DGKH: variants seen among roughly 807,000 people sequenced by gnomAD.
DGKH encodes diacylglycerol kinase eta, also known as DAG kinase eta.
A neutral mutation model predicts 159.3 loss-of-function variants in DGKH; 90 were observed. The observed-to-expected ratio is 0.57, with a 90% CI of 0.48 to 0.67. The LOEUF is 0.67. DGKH is among the 30% of genes least tolerant of loss of function. The pLI, the probability that DGKH is intolerant of heterozygous loss-of-function variation, is 0.00. For synonymous variants in DGKH, 536 were observed against 553.8 expected (o/e 0.97, Z 0.45); for missense variants, 1,181 against 1,506.1 (o/e 0.78, Z 3.57).
chr13:42,219,856 A>C, intron 28 of DGKH, 62 bp downstream of exon 28: 1 of 1,452,330 alleles, frequency 6.9e-7, no homozygotes, highest in Non-Finnish European at 9.6e-7. Flanking sequence ...TTAAAGTGAC[A>C]TCATGGAGGT....
chr13:42,188,550 C>A (rs1956982694), intron 14 of DGKH, among the ~76,000 whole-genome samples: 1 of 152,080 alleles, frequency 6.6e-6, no homozygotes, highest in Admixed American at 6.6e-5. Flanking sequence ...TGCATTAAGT[C>A]AATTACTTTT....
intron 1 of DGKH, among the ~76,000 whole-genome samples, chr13:42,099,791 G>C (rs1402313628): frequency 1.3e-5 from 2 of 152,186 alleles, no homozygotes; most frequent in African/African-American, 4.8e-5. Flanking sequence ...GATAAAGCAA[G>C]ATGATGGAGT....
At chr13:42,210,827 T>G (rs1957638901) in intron 24 of DGKH, 62 bp downstream of exon 24, 1 of 1,513,784 alleles carries the variant, frequency 6.6e-7, no homozygotes, top group East Asian at 2.3e-5. Flanking sequence ...TTTTTGTTTT[T>G]TTAATCTTAA....
At chr13:42,162,761 G>A (rs555647981) in intron 7 of DGKH, among the ~76,000 whole-genome samples, 10 of 151,730 alleles carry the variant, frequency 6.6e-5, no homozygotes, top group South Asian at 2.1e-4. Flanking sequence ...CTGAGATTGC[G>A]CCATTGCACT....
chr13:42,237,984 A>C lies in DGKH; in HGVS notation c.*8796A>C, dbSNP rs1009070684. 2.0e-5 allele frequency: 3 copies of C among 152,216 alleles called. No homozygotes were observed. The highest frequency in any genetic ancestry group is 4.4e-5 in the Non-Finnish European group (3 of 68,038). 9.4% of individuals were successfully genotyped at this position (152,216 alleles called of 1,614,324 possible). A position where few individuals can be genotyped will look rare whatever the true frequency, so the allele number is the denominator to read the frequency against. ...CAACAAAACAATTATTGAAATTCACAATACCTAGAGATGGGAACATGGTTT... is the reference window on the plus strand; with the variant it reads ...CAACAAAACAATTATTGAAATTCACCATACCTAGAGATGGGAACATGGTTT... On this transcript the variant is annotated 3_prime_UTR_variant, in exon 30 of 30. Coordinates refer to ENST00000337343, the MANE Select transcript of DGKH (RefSeq NM_178009.5).
intron 1 of DGKH, among the ~76,000 whole-genome samples, chr13:42,043,139 C>A (rs1422029663): frequency 6.6e-6 from 1 of 152,020 alleles, no homozygotes; most frequent in East Asian, 1.9e-4. Flanking sequence ...CTTTTTCCCT[C>A]AAACATGCAC....
At chr13:42,105,290 A>G (rs1027160322) in intron 1 of DGKH, among the ~76,000 whole-genome samples, 1 of 152,068 alleles carries the variant, frequency 6.6e-6, no homozygotes, top group African/African-American at 2.4e-5. Flanking sequence ...CAAGTGCACG[A>G]GGGGGTTAAA....
chr13:42,173,266 T>C (rs547646443), intron 11 of DGKH, among the ~76,000 whole-genome samples: 1 of 152,366 alleles, frequency 6.6e-6, no homozygotes, highest in African/African-American at 2.4e-5. Flanking sequence ...GCACCACACC[T>C]GGCCTTTATT....
chr13:42,095,156 CTTTTTTTTTTT>C (rs776422302), intron 1 of DGKH, among the ~76,000 whole-genome samples: 2 of 76,814 alleles, frequency 2.6e-5, no homozygotes, highest in South Asian at 5.6e-4. Context: ...ATGTTGACTC[CTTTTTTTTTTT>C]TTTTTTTTTT....
intron 4 of DGKH, 44 bp from the exon 5 acceptor site, chr13:42,155,623 T>C: frequency 6.2e-7 from 1 of 1,613,764 alleles, no homozygotes; most frequent in South Asian, 1.1e-5. Context: ...ATCTGTAGCC[T>C]TGTTCACTGG....
chr13:42,224,894 GAA>G (rs71700896), intron 29 of DGKH, among the ~76,000 whole-genome samples: 18,987 of 142,900 alleles, frequency 0.13, 1,504 homozygotes, highest in Admixed American at 0.22. Flanking sequence ...TTGGGAAAAG[GAA>G]AAAAAAAATA....
downstream of DGKH, among the ~76,000 whole-genome samples, chr13:42,244,025 T>C (rs559925186): frequency 1.3e-5 from 2 of 150,930 alleles, no homozygotes; most frequent in Admixed American, 1.3e-4. Context: ...GTAAATGGAC[T>C]GTACTTGAGA....
intron 1 of DGKH, among the ~76,000 whole-genome samples, chr13:42,091,204 C>T (rs1410955024): frequency 1.3e-5 from 2 of 151,808 alleles, no homozygotes; most frequent in East Asian, 1.9e-4. Context: ...TAGATATGCT[C>T]GTAGAAGAAA....
rs201430676 is a variant in DGKH at position 42,123,012 on chromosome 13, A to C, written c.193-4451A>C. Among the ~76,000 whole-genome samples the C allele has an allele frequency of 3.3e-5, 5 of 152,232 alleles. No individual in the cohort carries two copies. The East Asian group carries it at 9.6e-4, about 29-fold the overall frequency. On this transcript the variant is annotated intron_variant, in intron 1 of 29. Transcript: ENST00000337343. ...CACAATAATTTTTAGCGTTATAAAA[A>C]GATGTGACTAACTTTAGAAAAGTCA...
chr13:42,216,090 CAG>C (rs1957787408), intron 26 of DGKH, among the ~76,000 whole-genome samples: 1 of 152,236 alleles, frequency 6.6e-6, no homozygotes, highest in Admixed American at 6.5e-5. Flanking sequence ...TTTCTAGACA[CAG>C]TGTTTCAAGA....
intron 3 of DGKH, among the ~76,000 whole-genome samples, chr13:42,135,620 A>G (rs918271677): frequency 6.6e-6 from 1 of 152,014 alleles, no homozygotes; most frequent in African/African-American, 2.4e-5. Flanking sequence ...TGTTCATTTA[A>G]AAAAATTCAT....
chr13:42,068,058 C>A (rs1425044078), intron 1 of DGKH, among the ~76,000 whole-genome samples: 1 of 152,010 alleles, frequency 6.6e-6, no homozygotes, highest in Non-Finnish European at 1.5e-5. Flanking sequence ...TTCTTTGTAG[C>A]TAGATCAAGC....
In DGKH at chr13:42,187,044, C is replaced by T. The variant is rs1316197764; in HGVS notation, c.1539-5C>T. ...ACTAAATTGTACAACTTCTTTTCCT[C>T]AAAGGACGCTATGTGAAACTGTAAA... On this transcript the variant is annotated splice_polypyrimidine_tract_variant and splice_region_variant and intron_variant, in intron 13 of 29. Coordinates refer to ENST00000337343, the MANE Select transcript of DGKH (RefSeq NM_178009.5). 2.5e-6 allele frequency: 4 copies of T among 1,612,818 alleles called. No homozygotes were observed. Among genetic ancestry groups the T allele is most frequent in the East Asian group, 2.2e-5 (1 of 44,838 alleles).
intron 28 of DGKH, 95 bp from the exon 29 acceptor site, chr13:42,221,169 G>T: frequency 6.7e-7 from 1 of 1,494,884 alleles, no homozygotes; most frequent in Non-Finnish European, 9.1e-7. Context: ...TAGCACTGCC[G>T]CTGCACTCTG....
Sources: allele counts gnomAD v4.1 joint callset (sites outside exome capture counted in the v4.1 genomes callset), GRCh38; gene constraint gnomAD v4.1.1; transcripts MANE v1.5; gene names NCBI Gene and HGNC (gene_info 2026-07-23, HGNC 2026-07-21).